FGFR2: variants seen among roughly 807,000 people sequenced by gnomAD.
FGFR2 encodes the protein fibroblast growth factor receptor 2.
In FGFR2, 19 loss-of-function variants were observed where a neutral mutation model predicts 95.9. That is an observed-to-expected ratio of 0.20 (90% CI 0.14 to 0.29). The LOEUF (loss-of-function observed/expected upper bound fraction) is 0.29. FGFR2 is among the 10% of genes least tolerant of loss of function. FGFR2 has a pLI of 1.00. For synonymous variants in FGFR2, 392 were observed against 393.3 expected (o/e 1.00, Z 0.04); for missense variants, 707 against 1,056.9 (o/e 0.67, Z 4.59).
At chr10:121,521,813 A>G (rs1273302516) in intron 6 of FGFR2, among the ~76,000 whole-genome samples, 1 of 152,152 alleles carries the variant, frequency 6.6e-6, no homozygotes, top group Non-Finnish European at 1.5e-5. Flanking sequence ...CCACTTCTCT[A>G]TTTATCTAAA....
rs1857392508 is a variant in FGFR2, at chr10:121,564,493, GTTAC to G, written c.454+5_454+8del. On this transcript the variant is annotated splice_donor_5th_base_variant and intron_variant, in intron 4 of 17. Transcript: ENST00000358487. ...TCTCGGGGACCATCGGAGCCGGGCAGTTACTTACTCTTGTTGTTACTGTTCTCAC... is the reference window on the plus strand; with the variant it reads ...TCTCGGGGACCATCGGAGCCGGGCAGTTACTCTTGTTGTTACTGTTCTCAC... 6.2e-7 allele frequency: 1 copy of G among 1,613,190 alleles called. No individual in the cohort carries two copies. The highest frequency in any genetic ancestry group is 1.3e-5 in the African/African-American group (1 of 75,010).
At chr10:121,546,006 C>A (rs191369470) in intron 5 of FGFR2, among the ~76,000 whole-genome samples, 1 of 152,002 alleles carries the variant, frequency 6.6e-6, no homozygotes, top group Admixed American at 6.5e-5. Flanking sequence ...GCAGGCACTT[C>A]GAAGTGGCAT....
intron 6 of FGFR2, chr10:121,527,861 G>A (rs1156434944): frequency 6.6e-6 from 1 of 152,230 alleles, no homozygotes; most frequent in Admixed American, 6.5e-5. Flanking sequence ...ACACAGCTGA[G>A]AGCGTTCATG....
chr10:121,519,834 T>C (rs1459426570), intron 7 of FGFR2, 145 bp downstream of exon 7: 2 of 715,496 alleles, frequency 2.8e-6, no homozygotes, highest in Non-Finnish European at 4.7e-6. Context: ...TGTAATGATC[T>C]GTTAATTCCT....
intron 2 of FGFR2, among the ~76,000 whole-genome samples, chr10:121,575,025 A>G (rs1738190306): frequency 6.6e-6 from 1 of 152,246 alleles, no homozygotes; most frequent in South Asian, 2.1e-4. Context: ...CCGCCTCTGC[A>G]GCGGTAGCTG....
chr10:121,595,602 G>A (rs575513304), intron 1 of FGFR2, among the ~76,000 whole-genome samples: 2 of 152,326 alleles, frequency 1.3e-5, no homozygotes, highest in South Asian at 4.1e-4. Flanking sequence ...GATAATTTCG[G>A]ATCTATTTCT....
At chr10:121,563,261 T>A (rs1365484778) in intron 4 of FGFR2, among the ~76,000 whole-genome samples, 1 of 151,990 alleles carries the variant, frequency 6.6e-6, no homozygotes, top group Non-Finnish European at 1.5e-5. Flanking sequence ...GTAGTCCTAG[T>A]TACTCGGGAG....
chr10:121,564,683 G>A, intron 3 of FGFR2, 104 bp from the exon 4 acceptor site: 1 of 992,420 alleles, frequency 1.0e-6, no homozygotes, highest in Non-Finnish European at 1.6e-6. Flanking sequence ...AACAACCCAG[G>A]AACCCTCGCA....
At chr10:121,557,801 C>A (rs995458251) in intron 4 of FGFR2, among the ~76,000 whole-genome samples, 8 of 152,098 alleles carry the variant, frequency 5.3e-5, no homozygotes, top group African/African-American at 1.7e-4. Context: ...ACAAAGGTGA[C>A]TTTGAACTGT....
At chr10:121,588,867 T>C (rs368490756) in intron 2 of FGFR2, among the ~76,000 whole-genome samples, 7 of 152,012 alleles carry the variant, frequency 4.6e-5, no homozygotes, top group African/African-American at 1.7e-4. Context: ...GAGGGTACAA[T>C]TGCACCATTG....
intron 4 of FGFR2, among the ~76,000 whole-genome samples, chr10:121,558,603 G>GTTTTT (rs200830608): frequency 6.7e-6 from 1 of 148,280 alleles, no homozygotes; most frequent in African/African-American, 2.6e-5. Context: ...AATAGATACA[G>GTTTTT]TTTTTTGTTT....
At chr10:121,552,145 G>C (rs1855506179) in intron 4 of FGFR2, among the ~76,000 whole-genome samples, 1 of 152,066 alleles carries the variant, frequency 6.6e-6, no homozygotes, top group Admixed American at 6.6e-5. Flanking sequence ...CTTAAGAGGA[G>C]GCTACCAATT....
At chr10:121,556,102 T>TTGGATGGA (rs58257467) in intron 4 of FGFR2, among the ~76,000 whole-genome samples, 2 of 151,904 alleles carry the variant, frequency 1.3e-5, no homozygotes, top group African/African-American at 2.4e-5. Context: ...TCAAGCGTTA[T>TTGGATGGA]TGGATGGATG....
At chr10:121,523,598 C>T (rs543396183) in intron 6 of FGFR2, among the ~76,000 whole-genome samples, 2 of 152,314 alleles carry the variant, frequency 1.3e-5, no homozygotes, top group South Asian at 2.1e-4. Flanking sequence ...ACAAACTATG[C>T]TCCTATGCAC....
chr10:121,559,246 G>A (rs530855440), intron 4 of FGFR2, among the ~76,000 whole-genome samples: 23 of 151,946 alleles, frequency 1.5e-4, no homozygotes, highest in African/African-American at 5.6e-4. Flanking sequence ...CAGACAATCA[G>A]AAGGCACCAA....
intron 4 of FGFR2, among the ~76,000 whole-genome samples, chr10:121,563,109 C>CT (rs1282266570): frequency 6.6e-6 from 1 of 152,164 alleles, no homozygotes; most frequent in Non-Finnish European, 1.5e-5. Context: ...GGCACGGTGG[C>CT]TGACGCCTGT....
intron 5 of FGFR2, among the ~76,000 whole-genome samples, chr10:121,550,680 C>T (rs932688153): frequency 6.6e-6 from 1 of 152,170 alleles, no homozygotes; most frequent in African/African-American, 2.4e-5. Flanking sequence ...AAACTCCACA[C>T]CCGTTTTAGT....
intron 2 of FGFR2, among the ~76,000 whole-genome samples, chr10:121,577,646 T>C (rs1286099834): frequency 6.6e-6 from 1 of 152,140 alleles, no homozygotes; most frequent in Non-Finnish European, 1.5e-5. Context: ...CCCTCCTGTA[T>C]CCATGGATAT....
intron 13 of FGFR2, among the ~76,000 whole-genome samples, chr10:121,488,994 G>A (rs905245919): frequency 1.3e-5 from 2 of 152,192 alleles, no homozygotes; most frequent in Non-Finnish European, 2.9e-5. Flanking sequence ...CTCCTCAGTT[G>A]TTCCTCCTCT....
Sources: allele counts gnomAD v4.1 joint callset (sites outside exome capture counted in the v4.1 genomes callset), GRCh38; gene constraint gnomAD v4.1.1; transcripts MANE v1.5; gene names NCBI Gene and HGNC (gene_info 2026-07-23, HGNC 2026-07-21).